Variants in RNF38 observed in about 807,000 individuals in gnomAD.
RNF38 encodes E3 ubiquitin-protein ligase RNF38.
Under a neutral mutation model 67.2 loss-of-function variants are expected in RNF38, and 15 were observed. That is an observed-to-expected ratio of 0.22 (90% CI 0.15 to 0.34). The LOEUF (loss-of-function observed/expected upper bound fraction) is 0.34, where lower values mean the gene tolerates loss of function less well. Ranked by LOEUF, RNF38 falls within the 10% of genes least tolerant of loss-of-function variation. The pLI is 1.00. For missense variants in RNF38, 524 were observed against 639.9 expected, an observed-to-expected ratio of 0.82 and a Z score of 1.95; for synonymous variants, 220 against 218.8, an observed-to-expected ratio of 1.01 and a Z score of -0.05.
At position 36,362,470 on chromosome 9, in the gene RNF38, C is replaced by CA. The variant is rs57951615; in HGVS notation, c.571-4529dup. Among the ~76,000 whole-genome samples the CA allele has an allele frequency of 3.9e-3, 532 of 135,236 alleles. 5 individuals are homozygous for CA. The highest frequency in any genetic ancestry group is 0.014 in the African/African-American group (508 of 36,554). The allele number at this position is 135,236 out of a possible 152,430, so 88.7% of individuals were successfully genotyped here. A position where few individuals can be genotyped will look rare whatever the true frequency, so the allele number is the denominator to read the frequency against. ...ACATAAAGCACGAACATCAAGACTA[C>CA]AAAAAAAAAAAAAAAATCATCAGAT... On this transcript the variant is annotated intron_variant, in intron 4 of 11. Transcript: ENST00000259605.
At chr9:36,459,697 T>C (rs1005141109) in intron 1 of RNF38, among the ~76,000 whole-genome samples, 3 of 152,148 alleles carry the variant, frequency 2.0e-5, no homozygotes, top group Admixed American at 6.6e-5. Flanking sequence ...TACAAAGAAA[T>C]CCTGCTTTCC....
In RNF38 at chr9:36,339,790, G is replaced by T. The variant is rs765085808; in HGVS notation, c.1510C>A (p.Arg504=). The T allele has an allele frequency of 2.5e-6, 4 of 1,613,164 alleles. No individual in the cohort carries two copies. In the East Asian group the frequency reaches 6.7e-5, roughly 27 times the overall value. The change falls in exon 12 of 12, where the codon CGA becomes AGA. Residue 504 remains arginine, a synonymous_variant. Coordinates refer to ENST00000259605, the MANE Select transcript of RNF38 (RefSeq NM_022781.5). ...LKANRTCPIC[R]ADASEVHRDS... The stretch of plus-strand genomic sequence containing the variant: ...CGATGCACTTCTGAAGCATCAGCTC[G>T]GCAAATTGGGCAAGTACGATTTGCC...
intron 5 of RNF38, 72 bp downstream of exon 5, chr9:36,357,703 G>A (rs1270333447): frequency 1.2e-5 from 15 of 1,257,272 alleles, no homozygotes; most frequent in Non-Finnish European, 1.6e-5. Context: ...TAAGAGTCGG[G>A]AAGTTACAAA....
chr9:36,417,658 GCA>G (rs1445563903), intron 2 of RNF38, among the ~76,000 whole-genome samples: 1 of 152,002 alleles, frequency 6.6e-6, no homozygotes, highest in Non-Finnish European at 1.5e-5. Context: ...TTACAGGCGT[GCA>G]CCACTACGCT....
At chr9:36,452,066 T>TA (rs1169297173) in intron 1 of RNF38, among the ~76,000 whole-genome samples, 3 of 151,588 alleles carry the variant, frequency 2.0e-5, no homozygotes, top group African/African-American at 7.3e-5. Context: ...AAAATTTTTT[T>TA]AAAAAAAATA....
intron 1 of RNF38, among the ~76,000 whole-genome samples, chr9:36,427,657 C>CTCTATCTATCTATCTATCTATCTATCTA (rs146556210): frequency 1.4e-5 from 2 of 147,064 alleles, no homozygotes; most frequent in African/African-American, 5.1e-5. Context: ...ATTTCCCAGC[C>CTCTATCTATCTATCTATCTATCTATCTA]TCTATCTATC....
At chr9:36,409,080 G>A (rs1165331675) in intron 2 of RNF38, among the ~76,000 whole-genome samples, 1 of 152,076 alleles carries the variant, frequency 6.6e-6, no homozygotes, top group African/African-American at 2.4e-5. Context: ...CCAGCTACTT[G>A]GGAGGCTGAA....
chr9:36,478,709 CG>C (rs1040857911), intron 1 of RNF38, among the ~76,000 whole-genome samples: 1 of 150,312 alleles, frequency 6.7e-6, no homozygotes, highest in Non-Finnish European at 1.5e-5. Context: ...TCCAGCTACT[CG>C]GGAGGCTAAG....
At chr9:36,401,119 A>G, upstream of RNF38, 1 of 984,340 alleles carries the variant, frequency 1.0e-6, no homozygotes, top group Non-Finnish European at 1.2e-6. Context: ...AGCGCGCCAG[A>G]CCACCGGAGC....
At chr9:36,484,594 C>T (rs752276259) in intron 1 of RNF38, among the ~76,000 whole-genome samples, 1 of 152,016 alleles carries the variant, frequency 6.6e-6, no homozygotes, top group Non-Finnish European at 1.5e-5. Flanking sequence ...AAATAAAGCC[C>T]TTTTGGGTAC....
chr9:36,393,876 A>G (rs1837328084), intron 1 of RNF38, among the ~76,000 whole-genome samples: 1 of 152,120 alleles, frequency 6.6e-6, no homozygotes, highest in Non-Finnish European at 1.5e-5. Context: ...AGCTTCTAGG[A>G]GCTGAAAGCA....
chr9:36,340,269 G>A (rs1832743145), intron 11 of RNF38, among the ~76,000 whole-genome samples: 1 of 152,128 alleles, frequency 6.6e-6, no homozygotes, highest in African/African-American at 2.4e-5. Flanking sequence ...GTGAGCCACT[G>A]CGCCTGGCCG....
intron 1 of RNF38, among the ~76,000 whole-genome samples, chr9:36,474,635 C>T (rs754742326): frequency 2.0e-5 from 3 of 148,082 alleles, no homozygotes; most frequent in African/African-American, 7.5e-5. Context: ...TTCATCTGTA[C>T]AATAAGTATA....
At chr9:36,475,616 C>T (rs1005166424) in intron 1 of RNF38, among the ~76,000 whole-genome samples, 8 of 151,820 alleles carry the variant, frequency 5.3e-5, no homozygotes, top group Non-Finnish European at 8.8e-5. Context: ...CCTTGGCCTC[C>T]CAAAGTGCCG....
chr9:36,376,820 G>A (rs773662025), intron 2 of RNF38, among the ~76,000 whole-genome samples: 6 of 151,936 alleles, frequency 3.9e-5, no homozygotes, highest in Admixed American at 1.3e-4. Context: ...CAGCTACTTG[G>A]GAGGTTGAGG....
chr9:36,362,312 C>G (rs531609214), intron 4 of RNF38, among the ~76,000 whole-genome samples: 4 of 150,960 alleles, frequency 2.6e-5, no homozygotes, highest in African/African-American at 4.9e-5. Context: ...GAGCCAAGAT[C>G]GAGCCATTGC....
intron 2 of RNF38, among the ~76,000 whole-genome samples, chr9:36,414,121 GTTT>G (rs1838399412): frequency 6.6e-6 from 1 of 152,010 alleles, no homozygotes; most frequent in African/African-American, 2.4e-5. Flanking sequence ...TTTACCTTAT[GTTT>G]ATGTGAGTCC....
At chr9:36,386,108 G>C (rs1836612113) in intron 2 of RNF38, among the ~76,000 whole-genome samples, 1 of 152,182 alleles carries the variant, frequency 6.6e-6, no homozygotes, top group Admixed American at 6.5e-5. Flanking sequence ...GAGTAATAAA[G>C]ATGTGTTTGG....
At chr9:36,377,129 G>C (rs918042449) in intron 2 of RNF38, among the ~76,000 whole-genome samples, 1 of 151,964 alleles carries the variant, frequency 6.6e-6, no homozygotes, top group African/African-American at 2.4e-5. Flanking sequence ...AACACTCCAG[G>C]GTTCTCCACC....
Sources: allele counts gnomAD v4.1 joint callset (sites outside exome capture counted in the v4.1 genomes callset), GRCh38; gene constraint gnomAD v4.1.1; transcripts MANE v1.5; gene names NCBI Gene and HGNC (gene_info 2026-07-23, HGNC 2026-07-21).